SRPK2: variants seen among roughly 807,000 people sequenced by gnomAD.
SRPK2 encodes the protein SRSF protein kinase 2.
A neutral mutation model predicts 90.8 loss-of-function variants in SRPK2; 21 were observed. The observed-to-expected ratio is 0.23, with a 90% CI of 0.16 to 0.33. The LOEUF (loss-of-function observed/expected upper bound fraction) is 0.33, where lower values mean the gene tolerates loss of function less well. Ranked by LOEUF, SRPK2 falls within the 10% of genes least tolerant of loss-of-function variation. The pLI, the probability that SRPK2 is intolerant of heterozygous loss-of-function variation, is 1.00. For synonymous variants in SRPK2, 288 were observed against 311.1 expected (o/e 0.93, Z 0.78); for missense variants, 620 against 869.0 (o/e 0.71, Z 3.60).
chr7:105,140,820 G>A (rs545584554), intron 11 of SRPK2, among the ~76,000 whole-genome samples: 2 of 152,048 alleles, frequency 1.3e-5, no homozygotes, highest in East Asian at 3.9e-4. Flanking sequence ...AATTAGCCGG[G>A]CATGGTGGCA....
chr7:105,272,941 G>A (rs565332912), intron 2 of SRPK2, among the ~76,000 whole-genome samples: 8 of 152,206 alleles, frequency 5.3e-5, no homozygotes, highest in South Asian at 4.1e-4. Context: ...CCGGCCGGGC[G>A]CGGTGGCTCA....
At chr7:105,234,879 C>G (rs553297742) in intron 2 of SRPK2, among the ~76,000 whole-genome samples, 1 of 152,316 alleles carries the variant, frequency 6.6e-6, no homozygotes, top group African/African-American at 2.4e-5. Flanking sequence ...TCAAAGAACA[C>G]ATGAATTCCA....
At chr7:105,377,792 A>C (rs1033696452) in intron 2 of SRPK2, among the ~76,000 whole-genome samples, 1 of 152,176 alleles carries the variant, frequency 6.6e-6, no homozygotes, top group Non-Finnish European at 1.5e-5. Flanking sequence ...AAAAATGGCA[A>C]CACCACCCAT....
chr7:105,372,255 T>C (rs1233803258), intron 2 of SRPK2, among the ~76,000 whole-genome samples: 3 of 151,854 alleles, frequency 2.0e-5, no homozygotes, highest in Non-Finnish European at 4.4e-5. Context: ...ATAAAACAGC[T>C]TCATAAAACA....
intron 2 of SRPK2, among the ~76,000 whole-genome samples, chr7:105,279,648 T>C (rs915085677): frequency 3.3e-5 from 5 of 152,238 alleles, no homozygotes; most frequent in African/African-American, 1.2e-4. Context: ...GAGAACTAAA[T>C]ACAACAATGT....
intron 2 of SRPK2, among the ~76,000 whole-genome samples, chr7:105,237,407 A>G (rs1800267799): frequency 6.6e-6 from 1 of 152,218 alleles, no homozygotes; most frequent in Non-Finnish European, 1.5e-5. Flanking sequence ...GCTCAATGAC[A>G]TGTTCTAATT....
intron 11 of SRPK2, among the ~76,000 whole-genome samples, chr7:105,134,270 A>T (rs77197081): frequency 6.6e-6 from 1 of 152,102 alleles, no homozygotes; most frequent in Non-Finnish European, 1.5e-5. Flanking sequence ...GCAGATTTCC[A>T]CGTTGCTGTT....
chr7:105,260,055 G>A (rs1281575211), intron 2 of SRPK2, among the ~76,000 whole-genome samples: 1 of 152,126 alleles, frequency 6.6e-6, no homozygotes, highest in Non-Finnish European at 1.5e-5. Flanking sequence ...TTAAACTAAA[G>A]AGCTTCTGCA....
At chr7:105,364,352 T>G (rs1292802156) in intron 2 of SRPK2, among the ~76,000 whole-genome samples, 1 of 151,896 alleles carries the variant, frequency 6.6e-6, no homozygotes, top group Non-Finnish European at 1.5e-5. Flanking sequence ...GTCTCTCTAT[T>G]GAGTTCTCTT....
At chr7:105,121,941 C>A (rs2129572164) in intron 15 of SRPK2, among the ~76,000 whole-genome samples, 1 of 152,350 alleles carries the variant, frequency 6.6e-6, no homozygotes, top group African/African-American at 2.4e-5. Context: ...ACTATATTTA[C>A]ATGAACACTG....
chr7:105,213,864 A>T (rs955429896), intron 2 of SRPK2, among the ~76,000 whole-genome samples: 2 of 152,202 alleles, frequency 1.3e-5, no homozygotes, highest in African/African-American at 4.8e-5. Flanking sequence ...GTACCACTTT[A>T]CACAAGCCTT....
rs1041081545 is a variant in SRPK2, at chr7:105,331,448, T to C, written c.71+57200A>G. On this transcript the variant is annotated intron_variant, in intron 2 of 15. Transcript: ENST00000393651. ...AAAAATAATCCATAACATAAACTATTGATCCTAAAACCATATCCTGGCTTT... is the reference window on the plus strand; with the variant it reads ...AAAAATAATCCATAACATAAACTATCGATCCTAAAACCATATCCTGGCTTT... Among the ~76,000 whole-genome samples the C allele has an allele frequency of 3.9e-5, 6 of 152,160 alleles. 1 individual carries two copies. Among genetic ancestry groups the C allele is most frequent in the African/African-American group, 1.4e-4 (6 of 41,524 alleles).
chr7:105,304,753 T>G (rs996280077), intron 2 of SRPK2, among the ~76,000 whole-genome samples: 3 of 152,232 alleles, frequency 2.0e-5, no homozygotes, highest in Non-Finnish European at 4.4e-5. Flanking sequence ...GTATCATGAC[T>G]ACAGGAATCT....
In SRPK2 at chr7:105,117,551, A is replaced by C. The variant is rs1038309393; in HGVS notation, c.*287T>G. The C allele has an allele frequency of 4.8e-5, 17 of 354,742 alleles. No homozygotes were observed. Among genetic ancestry groups the C allele is most frequent in the African/African-American group, 2.8e-4 (13 of 46,742 alleles). The allele number at this position is 354,742 out of a possible 1,614,324, so 22.0% of individuals were successfully genotyped here. Reference sequence around the variant, plus strand: ...AGGGGAAAGTATTTTTCATTCAAAAAAATGACATTTGAATGTCACACAACA... The same window carrying C: ...AGGGGAAAGTATTTTTCATTCAAAACAATGACATTTGAATGTCACACAACA... On this transcript the variant is annotated 3_prime_UTR_variant, in exon 16 of 16. Coordinates refer to ENST00000393651, the MANE Select transcript of SRPK2 (RefSeq NM_182692.3).
At chr7:105,344,323 G>A (rs1262796872) in intron 2 of SRPK2, among the ~76,000 whole-genome samples, 1 of 149,140 alleles carries the variant, frequency 6.7e-6, no homozygotes, top group Non-Finnish European at 1.5e-5. Context: ...TTATAGCTCA[G>A]TGCAGCCTTG....
intron 5 of SRPK2, among the ~76,000 whole-genome samples, chr7:105,167,705 G>A (rs1385676667): frequency 6.6e-6 from 1 of 151,980 alleles, no homozygotes. Flanking sequence ...CTGCCTCCCA[G>A]GTTCAAGTGA....
At chr7:105,136,443 A>T (rs1802816146) in intron 11 of SRPK2, among the ~76,000 whole-genome samples, 2 of 152,148 alleles carry the variant, frequency 1.3e-5, no homozygotes, top group Non-Finnish European at 2.9e-5. Flanking sequence ...CAAAGGACAA[A>T]CTGGAGCTGT....
In SRPK2 at chr7:105,129,874, T is replaced by C. The variant is rs995254650; in HGVS notation, c.1753-2812A>G. 2.0e-5 allele frequency among the ~76,000 whole-genome samples: 3 copies of C among 152,188 alleles called. No individual in the cohort carries two copies. The South Asian group carries it at 6.2e-4, about 31-fold the overall frequency. The stretch of plus-strand genomic sequence containing the variant: ...ATAAGATCACGTATTTGTTCTGTAA[T>C]GTGACCAGTGCCGAAGAAGTCTGGT... On this transcript the variant is annotated intron_variant, in intron 13 of 15. Coordinates refer to ENST00000393651, the MANE Select transcript of SRPK2 (RefSeq NM_182692.3).
intron 2 of SRPK2, among the ~76,000 whole-genome samples, chr7:105,227,531 T>C (rs1798857949): frequency 6.6e-6 from 1 of 152,088 alleles, no homozygotes. Flanking sequence ...TACAATGAAA[T>C]ACCACTTCAT....
Sources: allele counts gnomAD v4.1 joint callset (sites outside exome capture counted in the v4.1 genomes callset), GRCh38; gene constraint gnomAD v4.1.1; transcripts MANE v1.5; gene names NCBI Gene and HGNC (gene_info 2026-07-23, HGNC 2026-07-21).